The following KCNAB1 variants were observed in gnomAD, a reference collection of about 807,000 sequenced individuals.
The protein encoded by KCNAB1 is voltage-gated potassium channel subunit beta-1.
Under a neutral mutation model 64.6 loss-of-function variants are expected in KCNAB1, and 35 were observed. The ratio of observed to expected loss-of-function variants is 0.54; its 90% CI spans 0.41 to 0.72. The LOEUF is 0.72. Ranked by LOEUF, KCNAB1 falls within the 30% of genes least tolerant of loss-of-function variation. The pLI is 0.00. For synonymous variants in KCNAB1, 177 were observed against 183.8 expected, an observed-to-expected ratio of 0.96 and a Z score of 0.30; for missense variants, 401 against 512.9, an observed-to-expected ratio of 0.78 and a Z score of 2.11.
chr3:156,296,768 C>T (rs763020218), intron 1 of KCNAB1, among the ~76,000 whole-genome samples: 7 of 152,178 alleles, frequency 4.6e-5, no homozygotes, highest in Non-Finnish European at 5.9e-5. Context: ...CCACCGTGCC[C>T]GGCCAACTTT....
intron 1 of KCNAB1, among the ~76,000 whole-genome samples, chr3:156,182,848 G>A (rs186618426): frequency 2.0e-5 from 3 of 151,728 alleles, no homozygotes; most frequent in African/African-American, 4.8e-5. Flanking sequence ...ACAGGCGCCC[G>A]CCACTATGCC....
chr3:156,164,685 T>C (rs2108314996), intron 1 of KCNAB1, among the ~76,000 whole-genome samples: 1 of 152,308 alleles, frequency 6.6e-6, no homozygotes, highest in Middle Eastern at 3.4e-3. Flanking sequence ...AAAAAGATGT[T>C]GTTTAGCCTG....
rs1255165774 is a variant in KCNAB1, at chr3:156,158,175, ATAAAAAATAAATAAAT to A, written c.275+37290_275+37305del. On this transcript the variant is annotated intron_variant, in intron 1 of 13. Coordinates refer to ENST00000490337, the MANE Select transcript of KCNAB1 (RefSeq NM_172160.3). ...GCGAAACTCTGTCTCAAAAAAAAAA[ATAAAAAATAAATAAAT>A]AAATAAATAAATAAATAAATAAATA... 3.6e-4 allele frequency among the ~76,000 whole-genome samples: 41 copies of A among 113,440 alleles called. 3 individuals carry two copies. The East Asian group carries it at 5.3e-3, about 15-fold the overall frequency. The allele number at this position is 113,440 out of a possible 152,430, so 74.4% of individuals were successfully genotyped here.
rs1714691845 is a variant in KCNAB1, at chr3:156,206,778, G to A, written c.275+85892G>A. Among the ~76,000 whole-genome samples, 7 of 152,118 alleles carry A rather than the reference G, an allele frequency of 4.6e-5. No homozygotes were observed. The South Asian group carries it at 1.5e-3, about 32-fold the overall frequency. The stretch of plus-strand genomic sequence containing the variant: ...TTGTAGTTTTTCCTAAGTATTTTCT[G>A]CTTGGCTATGTAAGTAGCAAAACTT... On this transcript the variant is annotated intron_variant, in intron 1 of 13. Transcript: ENST00000490337.
In KCNAB1 at chr3:156,497,669, A is replaced by T. The variant is rs148621345; in HGVS notation, c.659-16695A>T. Reference sequence around the variant, plus strand: ...TCAGATATCTGCAATGCAATGACAGATGCTTCCAAGTATAAAAATAACTGT... The same window carrying T: ...TCAGATATCTGCAATGCAATGACAGTTGCTTCCAAGTATAAAAATAACTGT... On this transcript the variant is annotated intron_variant, in intron 8 of 13. Transcript: ENST00000490337. Among the ~76,000 whole-genome samples the T allele has an allele frequency of 5.9e-5, 9 of 152,370 alleles. No homozygotes were observed. In the East Asian group the frequency reaches 1.7e-3, roughly 29 times the overall value.
intron 1 of KCNAB1, among the ~76,000 whole-genome samples, chr3:156,257,675 T>G (rs1340347627): frequency 2.6e-5 from 4 of 152,192 alleles, no homozygotes; most frequent in African/African-American, 7.2e-5. Context: ...CACAGGGAGT[T>G]GGATTCAGGA....
intron 1 of KCNAB1, among the ~76,000 whole-genome samples, chr3:156,133,690 A>G (rs903494328): frequency 3.3e-5 from 5 of 152,202 alleles, no homozygotes; most frequent in Admixed American, 6.5e-5. Context: ...AGGAAATGCT[A>G]TAAAATTCAG....
intron 1 of KCNAB1, among the ~76,000 whole-genome samples, chr3:156,142,088 C>T (rs1040794146): frequency 4.5e-4 from 69 of 152,138 alleles, no homozygotes; most frequent in Non-Finnish European, 1.5e-4. Context: ...GCCCGTTTAC[C>T]AATTAGATTG....
chr3:156,306,557 A>G (rs918823665), intron 1 of KCNAB1, among the ~76,000 whole-genome samples: 4 of 152,238 alleles, frequency 2.6e-5, no homozygotes, highest in Admixed American at 6.5e-5. Context: ...ATTTGCAGAA[A>G]GTGTGTTTTC....
chr3:156,164,319 TG>T (rs1362462681), intron 1 of KCNAB1, among the ~76,000 whole-genome samples: 1 of 152,184 alleles, frequency 6.6e-6, no homozygotes, highest in Admixed American at 6.5e-5. Context: ...CACATCATTC[TG>T]TATACAAGCA....
chr3:156,148,928 C>T (rs1325822932), intron 1 of KCNAB1, among the ~76,000 whole-genome samples: 1 of 151,734 alleles, frequency 6.6e-6, no homozygotes, highest in Non-Finnish European at 1.5e-5. Context: ...TTTTATCTCA[C>T]ACATGGGCTC....
At chr3:156,308,670 G>A (rs1482641306) in intron 1 of KCNAB1, among the ~76,000 whole-genome samples, 1 of 152,202 alleles carries the variant, frequency 6.6e-6, no homozygotes, top group Non-Finnish European at 1.5e-5. Context: ...TGCTGGCCAA[G>A]CTTTTCATCA....
At chr3:156,516,453 C>T (rs1035603122) in intron 11 of KCNAB1, 89 bp downstream of exon 11, 154 of 936,472 alleles carry the variant, frequency 1.6e-4, no homozygotes, top group Admixed American at 5.5e-5. Flanking sequence ...CCTAGGGCTT[C>T]CCAGCTCAGG....
intron 1 of KCNAB1, among the ~76,000 whole-genome samples, chr3:156,327,179 A>G (rs1723020960): frequency 6.6e-6 from 1 of 152,214 alleles, no homozygotes; most frequent in Non-Finnish European, 1.5e-5. Flanking sequence ...TATTTGAAAG[A>G]CAGCAGAAGA....
intron 8 of KCNAB1, among the ~76,000 whole-genome samples, chr3:156,511,323 T>G (rs1390363424): frequency 6.6e-6 from 1 of 152,130 alleles, no homozygotes; most frequent in African/African-American, 2.4e-5. Context: ...CAGGATGGTC[T>G]CGATCTCCTG....
At chr3:156,158,179 AAAATAAATAAATAAAT>A (rs58622682) in intron 1 of KCNAB1, among the ~76,000 whole-genome samples, 1,895 of 60,660 alleles carry the variant, frequency 0.031, 58 homozygotes, top group Admixed American at 0.046. Context: ...AAAAAAATAA[AAAATAAATAAATAAAT>A]AAATAAATAA....
intron 1 of KCNAB1, among the ~76,000 whole-genome samples, chr3:156,346,258 CT>C (rs1217045361): frequency 1.3e-5 from 2 of 152,020 alleles, no homozygotes; most frequent in Non-Finnish European, 2.9e-5. Context: ...AGCCCTATTA[CT>C]TTTGAACTGG....
At chr3:156,176,347 T>G in intron 1 of KCNAB1, 1 of 817,448 alleles carries the variant, frequency 1.2e-6, no homozygotes, top group Non-Finnish European at 2.2e-6. Flanking sequence ...CTGGTACATG[T>G]TCTGAAATGT....
At chr3:156,450,691 A>G (rs1194627506) in intron 2 of KCNAB1, among the ~76,000 whole-genome samples, 1 of 152,146 alleles carries the variant, frequency 6.6e-6, no homozygotes, top group Non-Finnish European at 1.5e-5. Context: ...ACAGCAACTC[A>G]CTTATTTTAT....
Sources: gnomAD v4.1 joint callset for allele counts (sites outside exome capture counted in the v4.1 genomes callset) on GRCh38, gnomAD v4.1.1 for gene constraint, MANE v1.5 for transcripts, NCBI Gene and HGNC (gene_info 2026-07-23, HGNC 2026-07-21) for gene names.